SH3D19: variants seen among roughly 807,000 people sequenced by gnomAD.
The protein encoded by SH3D19 is SH3 domain containing 19.
In SH3D19, 58 loss-of-function variants were observed where a neutral mutation model predicts 112.1. The ratio of observed to expected loss-of-function variants is 0.52; its 90% CI spans 0.42 to 0.64. The LOEUF is 0.64. Among genes scored for constraint, SH3D19 ranks in the 30% least tolerant of loss-of-function variants. SH3D19 has a pLI of 0.00. For synonymous variants in SH3D19, 391 were observed against 448.5 expected (o/e 0.87, Z 1.62); for missense variants, 1,090 against 1,263.4 (o/e 0.86, Z 2.08).
intron 1 of SH3D19, chr4:151,227,740 A>G (rs1769231602): frequency 1.0e-6 from 1 of 985,304 alleles, no homozygotes; most frequent in Non-Finnish European, 1.2e-6. Context: ...ATCCTCATAT[A>G]ACAAAGCAAC....
At chr4:151,261,313 C>T (rs550424430) in intron 1 of SH3D19, 1 of 152,296 alleles carries the variant, frequency 6.6e-6, no homozygotes, top group African/African-American at 2.4e-5. Flanking sequence ...GGGCTCAGAT[C>T]TTTGGTTGTG....
At chr4:151,285,001 A>G (rs979922467) in intron 1 of SH3D19, among the ~76,000 whole-genome samples, 4 of 152,038 alleles carry the variant, frequency 2.6e-5, no homozygotes, top group Admixed American at 6.6e-5. Context: ...TCTGAACTCT[A>G]TCCTCTAATT....
At chr4:151,252,118 G>GGACA (rs1183815122) in intron 1 of SH3D19, among the ~76,000 whole-genome samples, 2 of 152,136 alleles carry the variant, frequency 1.3e-5, no homozygotes, top group Non-Finnish European at 2.9e-5. Flanking sequence ...CCCTGCTCAA[G>GGACA]GACACCATTG....
intron 1 of SH3D19, among the ~76,000 whole-genome samples, chr4:151,318,646 T>C (rs1392311977): frequency 1.3e-5 from 2 of 152,236 alleles, no homozygotes; most frequent in African/African-American, 2.4e-5. Context: ...AATAATTTTA[T>C]AGGTATTTAC....
intron 2 of SH3D19, among the ~76,000 whole-genome samples, chr4:151,211,702 T>C (rs1561350498): frequency 6.6e-6 from 1 of 152,162 alleles, no homozygotes; most frequent in African/African-American, 2.4e-5. Flanking sequence ...GGATAGAAGA[T>C]CAACCCAGCC....
chr4:151,281,470 G>A (rs1315369864), intron 1 of SH3D19, among the ~76,000 whole-genome samples: 1 of 152,062 alleles, frequency 6.6e-6, no homozygotes, highest in Non-Finnish European at 1.5e-5. Flanking sequence ...GGAGGTGGGG[G>A]GTAGACAGCG....
At chr4:151,296,033 T>TC (rs1775684057) in intron 1 of SH3D19, among the ~76,000 whole-genome samples, 1 of 41,746 alleles carries the variant, frequency 2.4e-5, no homozygotes, top group Admixed American at 3.2e-4. Flanking sequence ...AGGCTCCGTC[T>TC]CAAAAAAAAA....
intron 1 of SH3D19, among the ~76,000 whole-genome samples, chr4:151,251,715 C>A (rs1185867960): frequency 2.0e-5 from 3 of 152,182 alleles, no homozygotes; most frequent in South Asian, 2.1e-4. Context: ...CCTCACCCTG[C>A]TTGCAGCCAA....
intron 1 of SH3D19, among the ~76,000 whole-genome samples, chr4:151,237,138 C>G (rs1770144679): frequency 6.6e-6 from 1 of 152,118 alleles, no homozygotes; most frequent in Non-Finnish European, 1.5e-5. Flanking sequence ...ACTCCTGAAG[C>G]CAGCGAGACC....
intron 14 of SH3D19, 86 bp downstream of exon 14, chr4:151,137,646 G>C: frequency 9.6e-7 from 1 of 1,037,408 alleles, no homozygotes; most frequent in East Asian, 2.8e-5. Flanking sequence ...ACTAGAATCT[G>C]GGTTTCTAGT....
Position 151,311,285 on chromosome 4 carries a change from T to G in SH3D19, c.112+13956A>C, listed in dbSNP as rs188569521. Reference sequence around the variant, plus strand: ...GTGGTGAGCACCTGTAGTCCCAGCTTCTTGAGATGCTGAGAAAGTAGGATC... The same window carrying G: ...GTGGTGAGCACCTGTAGTCCCAGCTGCTTGAGATGCTGAGAAAGTAGGATC... On this transcript the variant is annotated intron_variant, in intron 1 of 19. Coordinates refer to ENST00000604030, the MANE Select transcript of SH3D19 (RefSeq NM_001378122.1). 9.9e-5 allele frequency among the ~76,000 whole-genome samples: 15 copies of G among 151,614 alleles called. No individual in the cohort carries two copies. The East Asian group carries it at 2.8e-3, about 28-fold the overall frequency.
At position 151,258,652 on chromosome 4, in the gene SH3D19, G is replaced by A. The variant is rs559669901; in HGVS notation, c.113-32566C>T. ...CACCCTGCTCTCCCAGGACAGCAGGGGACGCCGCAGACCCCCCAATTCCTC... is the reference window on the plus strand; with the variant it reads ...CACCCTGCTCTCCCAGGACAGCAGGAGACGCCGCAGACCCCCCAATTCCTC... On this transcript the variant is annotated intron_variant, in intron 1 of 19. Coordinates refer to ENST00000604030, the MANE Select transcript of SH3D19 (RefSeq NM_001378122.1). Among the ~76,000 whole-genome samples the A allele has an allele frequency of 2.0e-5, 3 of 152,276 alleles. No individual in the cohort carries two copies. The South Asian group carries it at 6.2e-4, about 32-fold the overall frequency.
intron 2 of SH3D19, among the ~76,000 whole-genome samples, chr4:151,199,254 C>T (rs1561328963): frequency 6.6e-6 from 1 of 152,076 alleles, no homozygotes; most frequent in Admixed American, 6.6e-5. Flanking sequence ...GAATGACTGA[C>T]TGTTCATTAG....
chr4:151,187,872 G>C (rs1762036918), intron 2 of SH3D19, among the ~76,000 whole-genome samples: 1 of 151,978 alleles, frequency 6.6e-6, no homozygotes, highest in Non-Finnish European at 1.5e-5. Flanking sequence ...TAGTCAATTT[G>C]ACCTAAGGAA....
chr4:151,269,806 A>T (rs772934571), intron 1 of SH3D19, among the ~76,000 whole-genome samples: 41 of 151,244 alleles, frequency 2.7e-4, no homozygotes, highest in Non-Finnish European at 4.1e-4. Context: ...CTTTTTAAAA[A>T]TTTTTTATTT....
In SH3D19 at chr4:151,311,230, AATT is replaced by A. The variant is rs1001267309; in HGVS notation, c.112+14008_112+14010del. On this transcript the variant is annotated intron_variant, in intron 1 of 19. Coordinates refer to ENST00000604030, the MANE Select transcript of SH3D19 (RefSeq NM_001378122.1). ...ACAGTGAGACTGCATCTCTACAAAAAATTATTATAATAATAATTAGCTTGGCAT... is the reference window on the plus strand; with the variant it reads ...ACAGTGAGACTGCATCTCTACAAAAAATTATAATAATAATTAGCTTGGCAT... Among the ~76,000 whole-genome samples the A allele has an allele frequency of 2.0e-5, 3 of 151,480 alleles. No homozygotes were observed. In the South Asian group the frequency reaches 6.3e-4, roughly 32 times the overall value.
At position 151,195,389 on chromosome 4, in the gene SH3D19, A is replaced by AG. The variant is rs1256817600; in HGVS notation, c.153-7927_153-7926insC. ...TCTGTCTCAAAAAAAAAAAAAAAAA[A>AG]AAAAAAAAGAAAAAGAAAAAAAGAG... is the stretch of plus-strand genomic sequence containing the variant. On this transcript the variant is annotated intron_variant, in intron 2 of 19. Coordinates refer to ENST00000604030, the MANE Select transcript of SH3D19 (RefSeq NM_001378122.1). Among the ~76,000 whole-genome samples the AG allele has an allele frequency of 2.7e-3, 378 of 141,160 alleles. 6 individuals are homozygous for AG. The highest frequency in any genetic ancestry group is 0.011 in the African/African-American group (354 of 32,726). 92.6% of individuals were successfully genotyped at this position (141,160 alleles called of 152,430 possible).
At chr4:151,240,225 C>T (rs556944588) in intron 1 of SH3D19, among the ~76,000 whole-genome samples, 1 of 149,324 alleles carries the variant, frequency 6.7e-6, no homozygotes, top group Non-Finnish European at 1.5e-5. Context: ...GGTAAGATGG[C>T]GAGATCTGGT....
chr4:151,187,093 C>T (rs146184154), intron 3 of SH3D19, among the ~76,000 whole-genome samples: 8 of 151,440 alleles, frequency 5.3e-5, no homozygotes, highest in Admixed American at 1.3e-4. Flanking sequence ...TGCACCCGGC[C>T]GCTACATAAA....
Sources: allele counts gnomAD v4.1 joint callset (sites outside exome capture counted in the v4.1 genomes callset), GRCh38; gene constraint gnomAD v4.1.1; transcripts MANE v1.5; gene names NCBI Gene and HGNC (gene_info 2026-07-23, HGNC 2026-07-21).